MYO16: variants seen among roughly 807,000 people sequenced by gnomAD.
MYO16 encodes the protein unconventional myosin-XVI.
A neutral mutation model predicts 205.3 loss-of-function variants in MYO16; 94 were observed. The observed-to-expected ratio is 0.46, with a 90% CI of 0.39 to 0.54. The LOEUF is 0.54. MYO16 is among the 20% of genes least tolerant of loss of function. MYO16 has a pLI of 0.00. For synonymous variants in MYO16, 988 were observed against 954.0 expected (o/e 1.04, Z -0.66); for missense variants, 2,315 against 2,387.5 (o/e 0.97, Z 0.63).
At chr13:108,780,961 G>A (rs4489855) in intron 4 of MYO16, among the ~76,000 whole-genome samples, 38,921 of 152,106 alleles carry the variant, frequency 0.26, 5,719 homozygotes, top group Non-Finnish European at 0.33. Flanking sequence ...TCAGCCCCAC[G>A]CTTCAGGTGC....
At chr13:108,956,097 T>C (rs1231699189) in intron 16 of MYO16, among the ~76,000 whole-genome samples, 1 of 152,104 alleles carries the variant, frequency 6.6e-6, no homozygotes. Flanking sequence ...TGGGACTACA[T>C]TTAAACTTTA....
intron 16 of MYO16, among the ~76,000 whole-genome samples, chr13:108,922,827 A>C (rs1881809060): frequency 6.6e-6 from 1 of 152,246 alleles, no homozygotes; most frequent in Non-Finnish European, 1.5e-5. Flanking sequence ...ACTTTAAATC[A>C]TGTAATTAAA....
At chr13:109,022,102 A>C (rs992222059) in intron 23 of MYO16, among the ~76,000 whole-genome samples, 1 of 145,484 alleles carries the variant, frequency 6.9e-6, no homozygotes, top group Non-Finnish European at 1.5e-5. Context: ...ATATACATAT[A>C]AAACATATTT....
At chr13:108,731,024 G>A (rs1339685406) in intron 4 of MYO16, among the ~76,000 whole-genome samples, 1 of 152,048 alleles carries the variant, frequency 6.6e-6, no homozygotes. Flanking sequence ...TACAGTTTCT[G>A]TAACTCCTAT....
At chr13:108,871,350 G>GTGTGTGTA (rs1555307580) in intron 12 of MYO16, among the ~76,000 whole-genome samples, 2,525 of 147,306 alleles carry the variant, frequency 0.017, 53 homozygotes, top group East Asian at 0.031. Flanking sequence ...GTGTGTGTGT[G>GTGTGTGTA]TGTGTGTGTG....
rs565465857 is a variant in MYO16, at chr13:108,665,425, A to G, written c.29-461A>G. 3.3e-5 allele frequency among the ~76,000 whole-genome samples: 5 copies of G among 152,242 alleles called. No individual in the cohort carries two copies. In the East Asian group the frequency reaches 9.7e-4, roughly 29 times the overall value. ...TTATACTTGGCAGCATATATATTCT[A>G]TTACCTTAAATTAACAGCGTCATGA... On this transcript the variant is annotated intron_variant, in intron 1 of 34. Coordinates refer to ENST00000457511, the MANE Select transcript of MYO16 (RefSeq NM_001198950.3).
intron 27 of MYO16, among the ~76,000 whole-genome samples, chr13:109,082,317 C>T (rs1888306591): frequency 2.0e-5 from 3 of 152,160 alleles, no homozygotes; most frequent in South Asian, 2.1e-4. Flanking sequence ...TTAAGAAACA[C>T]TTTTAGCAGC....
chr13:108,855,391 A>C, intron 10 of MYO16, 52 bp from the exon 11 acceptor site: 3 of 1,141,608 alleles, frequency 2.6e-6, no homozygotes, highest in Non-Finnish European at 3.7e-6. Context: ...AACTGTGAAG[A>C]AAGTTGATTG....
intron 33 of MYO16, among the ~76,000 whole-genome samples, chr13:109,168,559 T>C (rs535468666): frequency 6.6e-6 from 1 of 152,088 alleles, no homozygotes; most frequent in Admixed American, 6.5e-5. Flanking sequence ...CCCCCATCTC[T>C]ACTAAAAATA....
intron 2 of MYO16, among the ~76,000 whole-genome samples, chr13:108,708,424 T>C (rs1371576392): frequency 6.6e-6 from 1 of 152,254 alleles, no homozygotes; most frequent in Non-Finnish European, 1.5e-5. Flanking sequence ...CTTGATACTT[T>C]GTTGTTATTC....
At chr13:108,970,287 G>A (rs1883960031) in intron 20 of MYO16, among the ~76,000 whole-genome samples, 1 of 152,146 alleles carries the variant, frequency 6.6e-6, no homozygotes, top group African/African-American at 2.4e-5. Context: ...TATTAAAAAA[G>A]CATGACTTGT....
chr13:109,026,318 T>C (rs1171697359), intron 23 of MYO16, among the ~76,000 whole-genome samples: 1 of 152,072 alleles, frequency 6.6e-6, no homozygotes, highest in Admixed American at 6.6e-5. Context: ...AAACCTACTC[T>C]AAAAGTTAGG....
chr13:108,631,832 C>T (rs917212372), intron 1 of MYO16, among the ~76,000 whole-genome samples: 1 of 152,308 alleles, frequency 6.6e-6, no homozygotes, highest in Non-Finnish European at 1.5e-5. Context: ...AATCCCAGAA[C>T]ATTGGGAGGC....
intron 4 of MYO16, among the ~76,000 whole-genome samples, chr13:108,735,467 T>TTCCATGGTATATACCATGTGTAC (rs1373487968): frequency 6.6e-6 from 1 of 151,206 alleles, no homozygotes; most frequent in East Asian, 1.9e-4. Context: ...CTGCATAGTA[T>TTCCATGGTATATACCATGTGTAC]TCCATGGTAT....
At chr13:109,142,539 A>AACCCCCACCTTTTCTGCAC (rs962020757) in intron 32 of MYO16, among the ~76,000 whole-genome samples, 1 of 152,134 alleles carries the variant, frequency 6.6e-6, no homozygotes, top group African/African-American at 2.4e-5. Context: ...TCCCTCTGCA[A>AACCCCCACCTTTTCTGCAC]ACCCCCACCT....
chr13:108,521,726 T>G, the MYO16 span, among the ~76,000 whole-genome samples: 1 of 152,178 alleles, frequency 6.6e-6, no homozygotes, highest in Non-Finnish European at 1.5e-5. Flanking sequence ...TATATAATGA[T>G]CTGTTTTGTA....
intron 34 of MYO16, among the ~76,000 whole-genome samples, chr13:109,182,741 C>T (rs928614704): frequency 6.6e-6 from 1 of 151,916 alleles, no homozygotes; most frequent in South Asian, 2.1e-4. Flanking sequence ...AGGGCTGGAG[C>T]CTTAATATAC....
At chr13:109,196,080 C>T (rs1386776702) in intron 34 of MYO16, among the ~76,000 whole-genome samples, 3 of 152,164 alleles carry the variant, frequency 2.0e-5, no homozygotes, top group African/African-American at 7.2e-5. Flanking sequence ...AAGTGTCTCA[C>T]TTTAGAGAAA....
intron 21 of MYO16, among the ~76,000 whole-genome samples, 200 bp downstream of exon 21, chr13:108,992,648 C>T (rs1884874387): frequency 6.6e-6 from 1 of 152,060 alleles, no homozygotes; most frequent in African/African-American, 2.4e-5. Context: ...CATAGTCACA[C>T]ATTGAAAGCA....
Sources: gnomAD v4.1 joint callset for allele counts (sites outside exome capture counted in the v4.1 genomes callset) on GRCh38, gnomAD v4.1.1 for gene constraint, MANE v1.5 for transcripts, NCBI Gene and HGNC (gene_info 2026-07-23, HGNC 2026-07-21) for gene names.